The following ZNF600 variants were observed in gnomAD, a reference collection of about 807,000 sequenced individuals.
ZNF600 encodes the protein zinc finger protein 600.
A neutral mutation model predicts 7.3 loss-of-function variants in ZNF600; 4 were observed. The ratio of observed to expected loss-of-function variants is 0.55; its 90% confidence interval spans 0.27 to 1.25. The LOEUF is 1.25. ZNF600 is among the 50% of genes most tolerant of loss of function. The probability of loss-of-function intolerance (pLI) is 0.12; values close to 1 mark genes in which losing one functional copy is unlikely to be tolerated. For missense variants in ZNF600, 911 were observed against 922.1 expected (o/e 0.99, Z 0.16); for synonymous variants, 290 against 308.9 (o/e 0.94, Z 0.64).
upstream of ZNF600, among the ~76,000 whole-genome samples, chr19:52,787,330 G>A (rs148143382): frequency 1.5e-4 from 23 of 151,820 alleles, no homozygotes; most frequent in Middle Eastern, 3.4e-3. Flanking sequence ...GGGGGTCCAG[G>A]CCATCCTGGG....
chr19:52,821,487 G>A, the ZNF600 span: 1 of 152,342 alleles, frequency 6.6e-6, no homozygotes, highest in African/African-American at 2.4e-5. Flanking sequence ...AACGAAGAAA[G>A]GGGAGAACTT....
upstream of ZNF600, among the ~76,000 whole-genome samples, chr19:52,787,351 A>T (rs967057763): frequency 2.0e-5 from 3 of 150,104 alleles, no homozygotes; most frequent in African/African-American, 7.4e-5. Flanking sequence ...CGACAAAGTA[A>T]CACCCCCTAA....
chr19:52,827,386 T>C, the ZNF600 span, among the ~76,000 whole-genome samples: 2 of 152,136 alleles, frequency 1.3e-5, no homozygotes, highest in African/African-American at 4.8e-5. Flanking sequence ...TCATATGTAG[T>C]TTCTGGGATC....
chr19:52,764,519 T>A (rs1048598177), downstream of ZNF600: 6 of 110,882 alleles, frequency 5.4e-5, no homozygotes, highest in African/African-American at 1.7e-4. Flanking sequence ...TTTGATATCC[T>A]TTTTTTTTTT....
chr19:52,784,338 C>T (rs769902570), intron 1 of ZNF600, among the ~76,000 whole-genome samples: 27 of 152,118 alleles, frequency 1.8e-4, no homozygotes, highest in Non-Finnish European at 2.9e-5. Flanking sequence ...CCTAGGAGGT[C>T]GAGGCTGCAG....
exon 4 of ZNF600, chr19:52,764,973 T>C (rs964966934): frequency 1.1e-5 from 2 of 187,832 alleles, no homozygotes; most frequent in African/African-American, 4.8e-5. Flanking sequence ...TGACCTCAAG[T>C]GACCTATGTG....
Position 52,786,804 on chromosome 19 carries a change from G to C in ZNF600, c.-229C>G, listed in dbSNP as rs1321032078. ...CGCGCCCAGGACTGAAGCCAGGCCG[G>C]GGCAGGTTGGCTGGACCTGGGCGGG... is the stretch of plus-strand genomic sequence containing the variant. On this transcript the variant is annotated 5_prime_UTR_variant, in exon 1 of 4. Transcript: ENST00000648973. 4 of 348,212 alleles carry C rather than the reference G, an allele frequency of 1.1e-5. No homozygotes were observed. Among genetic ancestry groups the C allele is most frequent in the East Asian group, 1.8e-4 (2 of 11,184 alleles). The allele number at this position is 348,212 out of a possible 1,614,324, so 21.6% of individuals were successfully genotyped here. A position where few individuals can be genotyped will look rare whatever the true frequency, so the allele number is the denominator to read the frequency against.
the ZNF600 span, among the ~76,000 whole-genome samples, chr19:52,806,546 A>T: frequency 4.7e-5 from 7 of 150,264 alleles, no homozygotes; most frequent in Non-Finnish European, 7.4e-5. Context: ...AATATGTTTA[A>T]CATACCTGCA....
At chr19:52,797,714 TACACATACAATCCATAC>T in the ZNF600 span, 1 of 153,156 alleles carries the variant, frequency 6.5e-6, no homozygotes, top group Non-Finnish European at 1.5e-5. Context: ...AACATATAAA[TACACATACAATCCATAC>T]TGATTGGAAA....
At chr19:52,813,747 C>T in the ZNF600 span, among the ~76,000 whole-genome samples, 1,626 of 146,134 alleles carry the variant, frequency 0.011, 275 homozygotes, top group African/African-American at 0.041. Context: ...ATCTCCGTTC[C>T]GCTCCCAGCA....
At chr19:52,808,562 A>C in the ZNF600 span, among the ~76,000 whole-genome samples, 1 of 151,656 alleles carries the variant, frequency 6.6e-6, no homozygotes. Flanking sequence ...TGATCCTGGG[A>C]GGCAGAGGTT....
the ZNF600 span, among the ~76,000 whole-genome samples, chr19:52,822,547 G>C: frequency 6.6e-6 from 1 of 152,190 alleles, no homozygotes; most frequent in Non-Finnish European, 1.5e-5. Flanking sequence ...AAACAGCTAA[G>C]AGGTTGAAAA....
intron 1 of ZNF600, among the ~76,000 whole-genome samples, chr19:52,779,542 C>T (rs1269847021): frequency 6.6e-6 from 1 of 152,138 alleles, no homozygotes; most frequent in Non-Finnish European, 1.5e-5. Context: ...AAAATAATCA[C>T]ACAGAACAGG....
intron 3 of ZNF600, among the ~76,000 whole-genome samples, chr19:52,773,444 T>C (rs2062647221): frequency 6.6e-6 from 1 of 151,988 alleles, no homozygotes; most frequent in African/African-American, 2.4e-5. Context: ...TCAACAATAA[T>C]CCCCTGTGTA....
chr19:52,791,344 A>G (rs2062790396), upstream of ZNF600, among the ~76,000 whole-genome samples: 1 of 152,240 alleles, frequency 6.6e-6, no homozygotes, highest in Non-Finnish European at 1.5e-5. Flanking sequence ...ATGGAATCTC[A>G]GAGCAGCTGA....
intron 1 of ZNF600, among the ~76,000 whole-genome samples, chr19:52,783,506 C>T (rs1046319423): frequency 1.6e-4 from 25 of 152,066 alleles, no homozygotes; most frequent in African/African-American, 5.3e-4. Context: ...GGACTACAGG[C>T]GCCCGCCACC....
chr19:52,793,616 C>T, the ZNF600 span, among the ~76,000 whole-genome samples: 2 of 152,130 alleles, frequency 1.3e-5, no homozygotes, highest in South Asian at 2.1e-4. Context: ...TTTTCTCCCA[C>T]AACCCAAAAG....
the ZNF600 span, among the ~76,000 whole-genome samples, chr19:52,795,209 A>G: frequency 6.6e-6 from 1 of 152,128 alleles, no homozygotes; most frequent in Non-Finnish European, 1.5e-5. Flanking sequence ...ACAGCTCACT[A>G]TTTAGTCAGA....
chr19:52,818,863 G>A, the ZNF600 span, among the ~76,000 whole-genome samples: 1 of 134,556 alleles, frequency 7.4e-6, no homozygotes, highest in Non-Finnish European at 1.5e-5. Context: ...TAGCCTGGAG[G>A]ACAGAATGAG....
Sources: gnomAD v4.1 joint callset for allele counts (sites outside exome capture counted in the v4.1 genomes callset) on GRCh38, gnomAD v4.1.1 for gene constraint, MANE v1.5 for transcripts, NCBI Gene and HGNC (gene_info 2026-07-23, HGNC 2026-07-21) for gene names.